The following CFDP1 variants were observed in gnomAD, a reference collection of about 807,000 sequenced individuals.
The protein encoded by CFDP1 is chromatin remodeling protein CFDP1, also known as heterochromatin-stabilizing protein CFDP1.
Under a neutral mutation model 40.1 loss-of-function variants are expected in CFDP1, and 31 were observed. That is an observed-to-expected ratio of 0.77 (90% CI 0.58 to 1.04). The LOEUF is 1.04. Among genes scored for constraint, CFDP1 ranks in the 50% least tolerant of loss-of-function variants. The pLI is 0.00. For missense variants in CFDP1, 423 were observed against 343.4 expected, an observed-to-expected ratio of 1.23 and a Z score of -1.83; for synonymous variants, 167 against 120.0, an observed-to-expected ratio of 1.39 and a Z score of -2.56.
intron 5 of CFDP1, among the ~76,000 whole-genome samples, chr16:75,311,832 T>C (rs1415265022): frequency 6.6e-6 from 1 of 150,616 alleles, no homozygotes; most frequent in Non-Finnish European, 1.5e-5. Flanking sequence ...CCCGAACTCC[T>C]GGGCTCAAGC....
At chr16:75,313,976 C>T (rs919102623) in intron 5 of CFDP1, among the ~76,000 whole-genome samples, 1 of 152,140 alleles carries the variant, frequency 6.6e-6, no homozygotes, top group African/African-American at 2.4e-5. Context: ...CCTCCGCCGC[C>T]GGGGTTCAAG....
At chr16:75,333,249 G>A (rs1359529688) in intron 5 of CFDP1, among the ~76,000 whole-genome samples, 3 of 151,102 alleles carry the variant, frequency 2.0e-5, no homozygotes, top group African/African-American at 4.9e-5. Context: ...TCAGCCTCTC[G>A]AGTAGCTGGG....
chr16:75,428,196 G>T (rs1463842576), intron 1 of CFDP1, among the ~76,000 whole-genome samples: 1 of 151,344 alleles, frequency 6.6e-6, no homozygotes, highest in Non-Finnish European at 1.5e-5. Context: ...GTTACACAAC[G>T]CTAGGCATTT....
chr16:75,305,197 T>A lies in CFDP1; in HGVS notation c.651-15A>T. 1 of 1,612,212 alleles carries A rather than the reference T, an allele frequency of 6.2e-7. No homozygotes were observed. Among genetic ancestry groups the A allele is most frequent in the African/African-American group, 1.3e-5 (1 of 74,906 alleles). On this transcript the variant is annotated splice_polypyrimidine_tract_variant and intron_variant, in intron 5 of 6. Transcript: ENST00000283882. ...ATCTTTTTAACCTAAGGAAAGAAAA[T>A]ATGAAAGATGTAGCAGGTAAAAACT...
At chr16:75,355,812 G>A (rs188370369) in intron 5 of CFDP1, among the ~76,000 whole-genome samples, 5 of 152,288 alleles carry the variant, frequency 3.3e-5, no homozygotes, top group Admixed American at 2.6e-4. Flanking sequence ...CTTCCGCCAT[G>A]ACTGTAAGTT....
At chr16:75,400,122 G>GAAAA (rs527926481) in intron 4 of CFDP1, among the ~76,000 whole-genome samples, 3,368 of 141,894 alleles carry the variant, frequency 0.024, 151 homozygotes, top group African/African-American at 0.083. Flanking sequence ...AAAAAAAAAG[G>GAAAA]AAAAAAAAAA....
intron 1 of CFDP1, among the ~76,000 whole-genome samples, chr16:75,420,899 TA>T (rs2079271771): frequency 6.6e-6 from 1 of 152,218 alleles, no homozygotes; most frequent in Non-Finnish European, 1.5e-5. Flanking sequence ...TAATTTTCTA[TA>T]AAGCTCTGCA....
At chr16:75,353,389 T>C (rs1366810880) in intron 5 of CFDP1, among the ~76,000 whole-genome samples, 3 of 152,104 alleles carry the variant, frequency 2.0e-5, no homozygotes, top group African/African-American at 7.2e-5. Flanking sequence ...AAAATTTATG[T>C]GTAAAATTAT....
intron 5 of CFDP1, among the ~76,000 whole-genome samples, chr16:75,327,510 G>A (rs2078411345): frequency 6.6e-6 from 1 of 152,094 alleles, no homozygotes; most frequent in African/African-American, 2.4e-5. Context: ...CAGTAGAATA[G>A]TATAGACTAT....
chr16:75,401,824 C>G (rs553132281), intron 4 of CFDP1, among the ~76,000 whole-genome samples: 1 of 149,694 alleles, frequency 6.7e-6, no homozygotes, highest in East Asian at 2.0e-4. Flanking sequence ...CAACCTAGAT[C>G]CAAGCACTGT....
At chr16:75,391,712 A>T (rs1567668480) in intron 5 of CFDP1, among the ~76,000 whole-genome samples, 1 of 152,102 alleles carries the variant, frequency 6.6e-6, no homozygotes, top group Non-Finnish European at 1.5e-5. Flanking sequence ...GGTGGCTCAC[A>T]CCTGTAATGC....
chr16:75,419,840 A>G (rs2151594274), intron 1 of CFDP1, among the ~76,000 whole-genome samples: 1 of 152,310 alleles, frequency 6.6e-6, no homozygotes, highest in Middle Eastern at 3.4e-3. Flanking sequence ...TATAATCAAG[A>G]AATAACCATA....
chr16:75,429,179 A>C (rs2079380022), intron 1 of CFDP1, among the ~76,000 whole-genome samples: 1 of 152,206 alleles, frequency 6.6e-6, no homozygotes, highest in Admixed American at 6.6e-5. Flanking sequence ...GGAGACAAAC[A>C]GATCTTATAC....
At chr16:75,401,847 A>T (rs1190336658) in intron 4 of CFDP1, among the ~76,000 whole-genome samples, 2 of 107,816 alleles carry the variant, frequency 1.9e-5, no homozygotes, top group Admixed American at 1.2e-4. Flanking sequence ...GATGTTGAAC[A>T]TATAAAAAAA....
chr16:75,387,143 T>C (rs1054695265), intron 5 of CFDP1, among the ~76,000 whole-genome samples: 7 of 21,076 alleles, frequency 3.3e-4, no homozygotes, highest in African/African-American at 4.8e-4. Flanking sequence ...TTTCTTTCTT[T>C]TTTTTTTTTT....
chr16:75,433,150 C>T, intron 1 of CFDP1, 139 bp downstream of exon 1: 2 of 762,736 alleles, frequency 2.6e-6, no homozygotes, highest in South Asian at 1.7e-5. Context: ...GATGAGGGGC[C>T]TGAGGGAGCG....
At chr16:75,354,383 G>C (rs1453146267) in intron 5 of CFDP1, among the ~76,000 whole-genome samples, 1 of 152,158 alleles carries the variant, frequency 6.6e-6, no homozygotes, top group East Asian at 1.9e-4. Flanking sequence ...GAAGAAAGTT[G>C]AAAGAGATCA....
Position 75,384,852 on chromosome 16 carries a change from CTATATA to C in CFDP1, c.650+10232_650+10237del, listed in dbSNP as rs59681577. ...TACAAGTTGCAAGAAGAAACTAAAACTATATATATATATATATATATATATATATAT... is the reference window on the plus strand; with the variant it reads ...TACAAGTTGCAAGAAGAAACTAAAACTATATATATATATATATATATATAT... On this transcript the variant is annotated intron_variant, in intron 5 of 6. Coordinates refer to ENST00000283882, the MANE Select transcript of CFDP1 (RefSeq NM_006324.3). 3.1e-3 allele frequency among the ~76,000 whole-genome samples: 374 copies of C among 119,660 alleles called. 1 individual carries two copies. The highest frequency in any genetic ancestry group is 4.2e-3 in the African/African-American group (116 of 27,920). 78.5% of individuals were successfully genotyped at this position (119,660 alleles called of 152,430 possible). A position where few individuals can be genotyped will look rare whatever the true frequency, so the allele number is the denominator to read the frequency against.
intron 5 of CFDP1, among the ~76,000 whole-genome samples, chr16:75,342,513 T>A (rs925043965): frequency 1.3e-5 from 2 of 152,142 alleles, no homozygotes; most frequent in African/African-American, 4.8e-5. Context: ...GGGCAGGTAG[T>A]AAGGAGGTCA....
Sources: gnomAD v4.1 joint callset for allele counts (sites outside exome capture counted in the v4.1 genomes callset) on GRCh38, gnomAD v4.1.1 for gene constraint, MANE v1.5 for transcripts, NCBI Gene and HGNC (gene_info 2026-07-23, HGNC 2026-07-21) for gene names.